P2RX4: variants seen among roughly 807,000 people sequenced by gnomAD.
P2RX4 encodes the protein P2X purinoceptor 4.
Under a neutral mutation model 48.0 loss-of-function variants are expected in P2RX4, and 37 were observed. The ratio of observed to expected loss-of-function variants is 0.77; its 90% confidence interval spans 0.59 to 1.01. The LOEUF (loss-of-function observed/expected upper bound fraction) is 1.01. P2RX4 is among the 50% of genes least tolerant of loss of function. The pLI, the probability that P2RX4 is intolerant of heterozygous loss-of-function variation, is 0.00. For missense variants in P2RX4, 501 were observed against 521.4 expected (o/e 0.96, Z 0.38); for synonymous variants, 200 against 199.7 (o/e 1.00, Z -0.01).
At chr12:121,225,448 T>C (rs967886254) in intron 5 of P2RX4, among the ~76,000 whole-genome samples, 4 of 152,148 alleles carry the variant, frequency 2.6e-5, no homozygotes, top group Non-Finnish European at 5.9e-5. Context: ...TCTCGCTCTG[T>C]CGCCCAGGCT....
At chr12:121,225,072 ATTTT>A (rs34333143) in intron 5 of P2RX4, among the ~76,000 whole-genome samples, 1 of 133,788 alleles carries the variant, frequency 7.5e-6, no homozygotes, top group Non-Finnish European at 1.6e-5. Context: ...ATCAAATTGG[ATTTT>A]TTTTTTTTTT....
intron 5 of P2RX4, among the ~76,000 whole-genome samples, chr12:121,226,772 A>C (rs1312766112): frequency 6.6e-6 from 1 of 152,082 alleles, no homozygotes; most frequent in East Asian, 1.9e-4. Context: ...AAAAACTTGA[A>C]CACCCCTGTT....
intron 5 of P2RX4, among the ~76,000 whole-genome samples, chr12:121,224,603 A>G (rs1886859071): frequency 6.6e-6 from 1 of 152,142 alleles, no homozygotes; most frequent in African/African-American, 2.4e-5. Context: ...CTCTGTCTCA[A>G]AAAATAAAAA....
chr12:121,232,493 A>G lies in P2RX4; in HGVS notation c.964A>G (p.Ile322Val). The G allele has an allele frequency of 1.2e-6, 2 of 1,613,574 alleles. No individual in the cohort carries two copies. Among genetic ancestry groups the G allele is most frequent in the Non-Finnish European group, 1.7e-6 (2 of 1,179,696 alleles). ...IKAYGIRFDI[I>V]VFGKAGKFDI... ...GGCCTATGGCATCCGCTTCGACATC[A>G]TTGTGTTTGGGAAGGTAGCTCGCCG... The change falls in exon 9 of 12, where the codon ATT (isoleucine) becomes GTT (valine). Residue 322 changes from isoleucine to valine, a missense_variant. Physicochemically the swap from Ile to Val is conservative, Grantham distance 29. Coordinates refer to ENST00000337233, the MANE Select transcript of P2RX4 (RefSeq NM_002560.3). The surrounding 1 kb of genome is among the most constrained non-coding windows in gnomAD (Gnocchi z 4.3).
At chr12:121,230,418 C>T (rs1887266435) in intron 8 of P2RX4, among the ~76,000 whole-genome samples, 1 of 152,222 alleles carries the variant, frequency 6.6e-6, no homozygotes, top group South Asian at 2.1e-4. Flanking sequence ...AGGACCATCC[C>T]TGGGCGCGGT....
chr12:121,228,643 C>T, intron 6 of P2RX4, 30 bp downstream of exon 6: 1 of 1,612,208 alleles, frequency 6.2e-7, no homozygotes, highest in Non-Finnish European at 8.5e-7. Flanking sequence ...GTGAGTTCAC[C>T]AGGGTCTTGG....
In P2RX4 at chr12:121,228,951, G is replaced by A; in HGVS notation, c.748-12G>A. On this transcript the variant is annotated splice_polypyrimidine_tract_variant and intron_variant, in intron 7 of 11. Transcript: ENST00000337233. ...AGGAAAGCCTTGCCGTGTCTCTGCT[G>A]CTCATCCCCAGGGAGGCATCATGGG... The A allele has an allele frequency of 6.2e-7, 1 of 1,614,094 alleles. No individual in the cohort carries two copies. Among genetic ancestry groups the A allele is most frequent in the Non-Finnish European group, 8.5e-7 (1 of 1,180,012 alleles).
chr12:121,220,299 A>C (rs1255964972), intron 2 of P2RX4, among the ~76,000 whole-genome samples: 1 of 149,498 alleles, frequency 6.7e-6, no homozygotes. Context: ...CAGTTTGCAG[A>C]CCCCCCCCTT....
chr12:121,214,475 C>G (rs1213746167), intron 1 of P2RX4: 4 of 152,060 alleles, frequency 2.6e-5, no homozygotes, highest in Admixed American at 6.6e-5. Context: ...ACCGAACACG[C>G]AATTCTCATC....
At chr12:121,230,564 A>G (rs1019025942) in intron 8 of P2RX4, among the ~76,000 whole-genome samples, 2 of 152,202 alleles carry the variant, frequency 1.3e-5, no homozygotes, top group Non-Finnish European at 2.9e-5. Context: ...TAAAGCAGAT[A>G]TTTGAATTTT....
rs371825852 is a variant in P2RX4, at chr12:121,223,056, C to T, written c.524+13C>T. 6.4e-7 allele frequency: 1 copy of T among 1,553,714 alleles called. No homozygotes were observed. The highest frequency in any genetic ancestry group is 1.1e-5 in the South Asian group (1 of 89,666). On this transcript the variant is annotated intron_variant, in intron 5 of 11. Coordinates refer to ENST00000337233, the MANE Select transcript of P2RX4 (RefSeq NM_002560.3). Reference sequence around the variant, plus strand: ...CACACGTGCCACAGTGAGTCCAGCCCTAGGGAAGGAAGTGCCTTTTTGTTT... The same window carrying T: ...CACACGTGCCACAGTGAGTCCAGCCTTAGGGAAGGAAGTGCCTTTTTGTTT...
chr12:121,222,294 G>A (rs569240625), intron 4 of P2RX4, 128 bp downstream of exon 4: 20 of 703,644 alleles, frequency 2.8e-5, no homozygotes, highest in East Asian at 1.2e-4. Flanking sequence ...CCGAGGCTGG[G>A]GTCCTGGAGC....
rs1023983892 is a variant in P2RX4 at position 121,229,875 on chromosome 12, A to G, written c.884+776A>G. 3.9e-5 allele frequency among the ~76,000 whole-genome samples: 6 copies of G among 152,100 alleles called. No individual in the cohort carries two copies. Among genetic ancestry groups the G allele is most frequent in the Non-Finnish European group, 4.4e-5 (3 of 68,016 alleles). On this transcript the variant is annotated intron_variant, in intron 8 of 11. Coordinates refer to ENST00000337233, the MANE Select transcript of P2RX4 (RefSeq NM_002560.3). The surrounding 1 kb of genome is among the most constrained non-coding windows in gnomAD (Gnocchi z 4.6). ...TGTCTCTGTGTCTTTTCTTCTTGTA[A>G]GGATATCAGTCACTGAATTTAGGGC...
intron 1 of P2RX4, chr12:121,215,121 GTAGA>G (rs771718708): frequency 6.6e-6 from 1 of 152,176 alleles, no homozygotes; most frequent in African/African-American, 2.4e-5. Flanking sequence ...ATAGTCTCTA[GTAGA>G]TGTTTAACAG....
chr12:121,216,237 A>G (rs1437078458), intron 1 of P2RX4: 1 of 152,318 alleles, frequency 6.6e-6, no homozygotes, highest in Non-Finnish European at 1.5e-5. Context: ...AGTAGAGCAT[A>G]GTGGGTGAGA....
Position 121,229,059 on chromosome 12 carries a change from C to G in P2RX4, c.844C>G (p.Arg282Gly). ...GTACTCCTTCCGCCGCCTCGATACA[C>G]GGGACGTTGAGCACAACGTATCTCC... ...PRYSFRRLDT[R>G]DVEHNVSPGY... Residue 282 changes from arginine to glycine, a missense_variant, in exon 8 of 12, where the codon CGG (arginine) becomes GGG (glycine). By Grantham distance (125) the Arg-to-Gly change is moderately radical. Around this residue, in one of 3 missense-constraint regions of P2RX4, gnomAD observed 197 missense variants for 219.5 expected, o/e 0.90. Coordinates refer to ENST00000337233, the MANE Select transcript of P2RX4 (RefSeq NM_002560.3). The surrounding 1 kb of genome is among the most constrained non-coding windows in gnomAD (Gnocchi z 4.6). 6.2e-7 allele frequency: 1 copy of G among 1,614,118 alleles called. No individual in the cohort carries two copies. Among genetic ancestry groups the G allele is most frequent in the Non-Finnish European group, 8.5e-7 (1 of 1,180,000 alleles).
In P2RX4 at chr12:121,220,272, T is replaced by C. The variant is rs770628899; in HGVS notation, c.283-1641T>C. Among the ~76,000 whole-genome samples, 6 of 152,158 alleles carry C rather than the reference T, an allele frequency of 3.9e-5. No homozygotes were observed. The South Asian group carries it at 6.2e-4, about 16-fold the overall frequency. On this transcript the variant is annotated intron_variant, in intron 2 of 11. Transcript: ENST00000337233. ...CTTTCCCTCAGTAAGTCAAGTTTGA[T>C]TGAGAAACCATTGTTTCAGTTTGCA...
chr12:121,219,853 TAGATAGATAGAC>T (rs1235572082), intron 2 of P2RX4, among the ~76,000 whole-genome samples: 2 of 130,222 alleles, frequency 1.5e-5, no homozygotes, highest in Non-Finnish European at 3.2e-5. Flanking sequence ...GATAGATAGA[TAGATAGATAGAC>T]AGATAATAGA....
chr12:121,231,097 C>G (rs1364249550), intron 8 of P2RX4, among the ~76,000 whole-genome samples: 1 of 151,616 alleles, frequency 6.6e-6, no homozygotes, highest in Non-Finnish European at 1.5e-5. Context: ...AAGACATTCT[C>G]CTGCCTCAGC....
Sources: allele counts gnomAD v4.1 joint callset (sites outside exome capture counted in the v4.1 genomes callset), GRCh38; gene constraint gnomAD v4.1.1; regional missense constraint gnomAD v4.1.1; non-coding constraint Gnocchi (gnomAD v3.1); transcripts MANE v1.5; gene names NCBI Gene and HGNC (gene_info 2026-07-23, HGNC 2026-07-21).